Variants in KATNAL1 observed in about 807,000 individuals in gnomAD.
KATNAL1 encodes the protein katanin catalytic subunit A1 like 1.
Under a neutral mutation model 55.2 loss-of-function variants are expected in KATNAL1, and 32 were observed. The observed-to-expected ratio is 0.58, with a 90% CI of 0.44 to 0.78. KATNAL1 has a LOEUF of 0.78. KATNAL1 is among the 30% of genes least tolerant of loss of function. The probability of loss-of-function intolerance (pLI) is 0.00; values close to 1 mark genes in which losing one functional copy is unlikely to be tolerated. For synonymous variants in KATNAL1, 193 were observed against 193.6 expected, an observed-to-expected ratio of 1.00 and a Z score of 0.02; for missense variants, 466 against 600.9, an observed-to-expected ratio of 0.78 and a Z score of 2.35.
intron 9 of KATNAL1, among the ~76,000 whole-genome samples, chr13:30,218,360 T>C (rs11840093): frequency 1.6e-3 from 238 of 152,082 alleles, no homozygotes; most frequent in African/African-American, 5.1e-3. Flanking sequence ...AAGGAGTACA[T>C]TGGGCTCAAC....
intron 1 of KATNAL1, among the ~76,000 whole-genome samples, chr13:30,306,042 G>A (rs1323076484): frequency 6.7e-6 from 1 of 150,360 alleles, no homozygotes; most frequent in South Asian, 2.2e-4. Context: ...TAGGATTTGT[G>A]GTCTTTTTGT....
intron 3 of KATNAL1, among the ~76,000 whole-genome samples, chr13:30,265,270 G>C (rs938844014): frequency 6.6e-6 from 1 of 151,876 alleles, no homozygotes; most frequent in Non-Finnish European, 1.5e-5. Context: ...TATACCTAAC[G>C]CTAGATGACG....
intron 6 of KATNAL1, among the ~76,000 whole-genome samples, chr13:30,233,446 T>C (rs1876313854): frequency 2.0e-5 from 3 of 152,154 alleles, no homozygotes; most frequent in South Asian, 4.2e-4. Context: ...ATCAAAAAGA[T>C]AGCTAATAAT....
intron 9 of KATNAL1, among the ~76,000 whole-genome samples, chr13:30,217,329 C>T (rs534313739): frequency 1.4e-3 from 209 of 152,232 alleles, no homozygotes; most frequent in African/African-American, 4.7e-3. Flanking sequence ...TGGCGGACAA[C>T]TGTAATCCCA....
intron 4 of KATNAL1, among the ~76,000 whole-genome samples, chr13:30,242,795 G>A (rs1054107883): frequency 9.9e-5 from 15 of 151,916 alleles, no homozygotes; most frequent in African/African-American, 2.7e-4. Flanking sequence ...AATACCGATC[G>A]AGGACTACAA....
intron 1 of KATNAL1, among the ~76,000 whole-genome samples, chr13:30,300,353 G>C (rs755922649): frequency 5.3e-5 from 8 of 152,012 alleles, no homozygotes; most frequent in Non-Finnish European, 1.2e-4. Flanking sequence ...GTAAATTCCT[G>C]AAAGTAGATG....
At chr13:30,265,999 T>C (rs1484622008) in intron 3 of KATNAL1, among the ~76,000 whole-genome samples, 3 of 108,372 alleles carry the variant, frequency 2.8e-5, no homozygotes, top group Non-Finnish European at 5.2e-5. Context: ...GCAAGATGAA[T>C]GAAACTCCAT....
At chr13:30,277,936 T>C (rs1330145472) in intron 3 of KATNAL1, among the ~76,000 whole-genome samples, 2 of 134,248 alleles carry the variant, frequency 1.5e-5, no homozygotes, top group Non-Finnish European at 1.5e-5. Flanking sequence ...TGAGCCGAGA[T>C]TGCGCCACTG....
chr13:30,235,659 C>A (rs1034905635), intron 6 of KATNAL1, among the ~76,000 whole-genome samples: 1 of 152,174 alleles, frequency 6.6e-6, no homozygotes, highest in Non-Finnish European at 1.5e-5. Context: ...GAAGAGAGGG[C>A]GAAAGAAGCG....
At chr13:30,296,837 A>G in intron 1 of KATNAL1, 1 of 375,420 alleles carries the variant, frequency 2.7e-6, no homozygotes, top group Non-Finnish European at 5.2e-6. Context: ...AGGAAAGGCC[A>G]GACCTGCCCC....
intron 1 of KATNAL1, among the ~76,000 whole-genome samples, chr13:30,285,164 T>A (rs566222767): frequency 1.2e-4 from 19 of 152,202 alleles, no homozygotes; most frequent in Non-Finnish European, 2.6e-4. Flanking sequence ...AACACATTTT[T>A]AAAAACAAAT....
chr13:30,261,735 C>T (rs2137478756), intron 3 of KATNAL1, among the ~76,000 whole-genome samples: 1 of 152,308 alleles, frequency 6.6e-6, no homozygotes, highest in East Asian at 1.9e-4. Context: ...GAGTGACCTA[C>T]AAAGAGACTT....
rs370838733 is a variant in KATNAL1 at position 30,230,328 on chromosome 13, T to G, written c.1012+140A>C. 3 of 674,830 alleles carry G rather than the reference T, an allele frequency of 4.4e-6. No homozygotes were observed. In the East Asian group the frequency reaches 8.8e-5, roughly 20 times the overall value. 41.8% of individuals were successfully genotyped at this position (674,830 alleles called of 1,614,324 possible). On this transcript the variant is annotated intron_variant, in intron 8 of 10. Coordinates refer to ENST00000380615, the MANE Select transcript of KATNAL1 (RefSeq NM_032116.5). The stretch of plus-strand genomic sequence containing the variant: ...AAGTATGCAAGAAATGCTTTCTGAG[T>G]GCATGAACAAATGAACAAATAAATG...
At chr13:30,290,347 C>G (rs1444944426) in intron 1 of KATNAL1, among the ~76,000 whole-genome samples, 2 of 151,596 alleles carry the variant, frequency 1.3e-5, no homozygotes, top group Non-Finnish European at 2.9e-5. Flanking sequence ...ATACACATTA[C>G]CAAAACAAAA....
intron 1 of KATNAL1, among the ~76,000 whole-genome samples, chr13:30,292,401 A>G (rs1223464278): frequency 6.6e-6 from 1 of 152,052 alleles, no homozygotes; most frequent in African/African-American, 2.4e-5. Context: ...CCAAGCCCCA[A>G]TTCCCATGGG....
At chr13:30,295,405 A>C (rs1229019259) in intron 1 of KATNAL1, among the ~76,000 whole-genome samples, 3 of 152,214 alleles carry the variant, frequency 2.0e-5, no homozygotes, top group African/African-American at 7.2e-5. Context: ...TGGTAGAAAA[A>C]GCAAGAGAAC....
In KATNAL1 at chr13:30,207,764, G is replaced by A. The variant is rs550431378; in HGVS notation, c.*776C>T. ...GCCTGGGTGACACAGACTCCTTCACGCACACACAAAAAAGTGAAAACAAAC... is the reference window on the plus strand; with the variant it reads ...GCCTGGGTGACACAGACTCCTTCACACACACACAAAAAAGTGAAAACAAAC... On this transcript the variant is annotated 3_prime_UTR_variant, in exon 11 of 11. Coordinates refer to ENST00000380615, the MANE Select transcript of KATNAL1 (RefSeq NM_032116.5). 1 of 151,982 alleles carries A rather than the reference G, an allele frequency of 6.6e-6. No homozygotes were observed. Among genetic ancestry groups the A allele is most frequent in the African/African-American group, 2.4e-5 (1 of 41,378 alleles). The allele number at this position is 151,982 out of a possible 1,614,324, so 9.4% of individuals were successfully genotyped here.
At chr13:30,221,855 C>T (rs2137370349) in intron 9 of KATNAL1, among the ~76,000 whole-genome samples, 1 of 152,238 alleles carries the variant, frequency 6.6e-6, no homozygotes, top group South Asian at 2.1e-4. Flanking sequence ...AGTTCAAGAC[C>T]AGCCTGACCA....
intron 4 of KATNAL1, among the ~76,000 whole-genome samples, chr13:30,243,223 T>C (rs986715645): frequency 2.0e-5 from 3 of 152,192 alleles, no homozygotes; most frequent in Non-Finnish European, 4.4e-5. Context: ...AACATCAAAA[T>C]TTCCCATATC....
Sources: gnomAD v4.1 joint callset for allele counts (sites outside exome capture counted in the v4.1 genomes callset) on GRCh38, gnomAD v4.1.1 for gene constraint, MANE v1.5 for transcripts, NCBI Gene and HGNC (gene_info 2026-07-23, HGNC 2026-07-21) for gene names.